The following VPS13D variants were observed in gnomAD, a reference collection of about 807,000 sequenced individuals.
VPS13D encodes the protein intermembrane lipid transfer protein VPS13D.
VPS13D carries 187 observed loss-of-function variants against 461.9 expected under a neutral mutation model. That is an observed-to-expected ratio of 0.40 (90% CI 0.36 to 0.46). The LOEUF is 0.46. Among genes scored for constraint, VPS13D ranks in the 20% least tolerant of loss-of-function variants. The pLI is 0.60. For synonymous variants in VPS13D, 1,951 were observed against 1,986.3 expected, an observed-to-expected ratio of 0.98 and a Z score of 0.47; for missense variants, 4,711 against 5,364.9, an observed-to-expected ratio of 0.88 and a Z score of 3.81.
intron 21 of VPS13D, among the ~76,000 whole-genome samples, chr1:12,285,149 T>G (rs1214359075): frequency 6.6e-6 from 1 of 152,174 alleles, no homozygotes; most frequent in East Asian, 1.9e-4. Flanking sequence ...ATTTTTATTG[T>G]GAAAAAATTC....
chr1:12,279,477 C>T lies in VPS13D; in HGVS notation c.4451-22C>T, dbSNP rs752445760. 2 of 1,576,844 alleles carry T rather than the reference C, an allele frequency of 1.3e-6. No individual in the cohort carries two copies. Among genetic ancestry groups the T allele is most frequent in the South Asian group, 2.3e-5 (2 of 86,350 alleles). Reference sequence around the variant, plus strand: ...GTAAATATTAAGGTTTATGGTCTATCATTTCATCTCTTTTATGCCAGCTTT... The same window carrying T: ...GTAAATATTAAGGTTTATGGTCTATTATTTCATCTCTTTTATGCCAGCTTT... On this transcript the variant is annotated intron_variant, in intron 19 of 69. Transcript: ENST00000620676. This position sits in a 1 kb window ranked among gnomAD's most constrained non-coding sequence, Gnocchi z 4.3.
intron 25 of VPS13D, 51 bp from the exon 26 acceptor site, chr1:12,304,455 G>A (rs1642506195): frequency 6.6e-7 from 1 of 1,523,134 alleles, no homozygotes; most frequent in East Asian, 2.4e-5. Context: ...CACCACCAGT[G>A]CTGCCCCCTT....
intron 67 of VPS13D, among the ~76,000 whole-genome samples, chr1:12,491,696 T>C (rs546617319): frequency 6.6e-6 from 1 of 152,354 alleles, no homozygotes; most frequent in East Asian, 1.9e-4. Flanking sequence ...TATCAGCCAC[T>C]GTATCCACAG....
In VPS13D at chr1:12,398,674, T is replaced by C. The variant is rs1039119762; in HGVS notation, c.11635-1507T>C. Among the ~76,000 whole-genome samples the C allele has an allele frequency of 3.3e-5, 5 of 152,318 alleles. 1 individual carries two copies. Among genetic ancestry groups the C allele is most frequent in the Admixed American group, 3.3e-4 (5 of 15,300 alleles). ...TGAGTGTGGCAAGTGTCCTCTGTGA[T>C]GGCACTGATACTGATCAGGGCTGTG... On this transcript the variant is annotated intron_variant, in intron 60 of 69. Transcript: ENST00000620676.
At chr1:12,280,827 G>A (rs1641755302) in intron 20 of VPS13D, among the ~76,000 whole-genome samples, 1 of 151,888 alleles carries the variant, frequency 6.6e-6, no homozygotes, top group Non-Finnish European at 1.5e-5. Flanking sequence ...TGACTTAACT[G>A]TTGTTTTGAT....
At position 12,277,567 on chromosome 1, in the gene VPS13D, A is replaced by G. The variant is rs368722200; in HGVS notation, c.3979A>G (p.Thr1327Ala). 5.0e-6 allele frequency: 8 copies of G among 1,614,006 alleles called. No individual in the cohort carries two copies. The highest frequency in any genetic ancestry group is 5.9e-6 in the Non-Finnish European group (7 of 1,180,026). The change falls in exon 19 of 70, where the codon ACA (threonine) becomes GCA (alanine). Residue 1327 changes from threonine (T) to alanine (A), a missense_variant. This residue lies in a region of VPS13D where 4,411 missense variants were observed against 4,937.8 expected (regional missense o/e 0.89). Transcript: ENST00000620676. ...GAAAAGCGCAGCCACCAAAGTCACC[A>G]CAGTACTAGCTACCAAGACTGCCGA... ...MLKSAATKVT[T>A]VLATKTAEYS...
chr1:12,416,426 G>T (rs1395310077), intron 64 of VPS13D, among the ~76,000 whole-genome samples: 1 of 152,124 alleles, frequency 6.6e-6, no homozygotes, highest in Non-Finnish European at 1.5e-5. Flanking sequence ...CTTCTAACTG[G>T]CTTGGAAGAG....
intron 10 of VPS13D, among the ~76,000 whole-genome samples, chr1:12,258,628 C>T (rs1022868370): frequency 2.6e-5 from 4 of 152,206 alleles, no homozygotes; most frequent in African/African-American, 9.7e-5. Flanking sequence ...GGAGCCCTGG[C>T]ATGGGACCCC....
chr1:12,457,585 A>G lies in VPS13D; in HGVS notation c.12466+1455A>G, dbSNP rs537497351. 1.4e-4 allele frequency among the ~76,000 whole-genome samples: 22 copies of G among 152,354 alleles called. No homozygotes were observed. In the East Asian group the frequency reaches 4.0e-3, roughly 28 times the overall value. ...GTACCAGATCCTTAGGAACCATCCAAAGCTATCAGAGTCATATCAAGACTG... is the reference window on the plus strand; with the variant it reads ...GTACCAGATCCTTAGGAACCATCCAGAGCTATCAGAGTCATATCAAGACTG... On this transcript the variant is annotated intron_variant, in intron 66 of 69. Transcript: ENST00000620676.
chr1:12,494,850 C>G (rs1345805490), intron 67 of VPS13D, among the ~76,000 whole-genome samples: 1 of 152,150 alleles, frequency 6.6e-6, no homozygotes, highest in Non-Finnish European at 1.5e-5. Flanking sequence ...GCTCAAAATC[C>G]TTAGTCTTCA....
At chr1:12,273,545 C>T (rs1319487249) in intron 18 of VPS13D, among the ~76,000 whole-genome samples, 3 of 152,204 alleles carry the variant, frequency 2.0e-5, no homozygotes, top group Non-Finnish European at 4.4e-5. Context: ...TGTGTGTACC[C>T]ATTAAACACC....
chr1:12,324,503 CA>C (rs202087191), intron 35 of VPS13D, among the ~76,000 whole-genome samples: 9 of 149,556 alleles, frequency 6.0e-5, no homozygotes, highest in Non-Finnish European at 1.2e-4. Flanking sequence ...GACTCTGTCT[CA>C]AAAAAAAAGG....
chr1:12,506,302 A>G (rs940290072), intron 68 of VPS13D, among the ~76,000 whole-genome samples: 3 of 152,260 alleles, frequency 2.0e-5, no homozygotes, highest in East Asian at 1.9e-4. Context: ...CAAAAGGAAG[A>G]TGACAGTTTT....
intron 67 of VPS13D, 107 bp from the exon 68 acceptor site, chr1:12,497,393 T>C (rs1291960828): frequency 7.4e-7 from 1 of 1,358,230 alleles, no homozygotes; most frequent in Non-Finnish European, 1.0e-6. Flanking sequence ...GTTCACTAAA[T>C]GTAAAGTATG....
At chr1:12,328,176 C>T (rs867520519) in intron 36 of VPS13D, among the ~76,000 whole-genome samples, 1 of 152,056 alleles carries the variant, frequency 6.6e-6, no homozygotes, top group Non-Finnish European at 1.5e-5. Context: ...TACTGCTAGG[C>T]ATTTAACAGA....
At chr1:12,419,765 A>G (rs773578973) in intron 65 of VPS13D, among the ~76,000 whole-genome samples, 2 of 152,198 alleles carry the variant, frequency 1.3e-5, no homozygotes, top group African/African-American at 2.4e-5. Flanking sequence ...TTTGAGGGAC[A>G]AACACCATAC....
At chr1:12,506,814 C>T (rs754895391) in intron 68 of VPS13D, 39 bp from the exon 69 acceptor site, 6 of 1,601,384 alleles carry the variant, frequency 3.7e-6, no homozygotes, top group Admixed American at 1.7e-5. Context: ...CTGGGCGAAG[C>T]CCCAGGTGTC....
At chr1:12,272,449 AATTAGT>A (rs145848033) in intron 17 of VPS13D, among the ~76,000 whole-genome samples, 6,899 of 150,942 alleles carry the variant, frequency 0.046, 227 homozygotes, top group South Asian at 0.094. Context: ...AAAGTATGAC[AATTAGT>A]ATTCTTGTAA....
At chr1:12,335,604 T>C in intron 38 of VPS13D, 101 bp from the exon 39 acceptor site, 1 of 1,443,328 alleles carries the variant, frequency 6.9e-7, no homozygotes, top group African/African-American at 1.4e-5. Context: ...AGGCATGTAA[T>C]GAGACACTCA....
Sources: gnomAD v4.1 joint callset for allele counts (sites outside exome capture counted in the v4.1 genomes callset) on GRCh38, gnomAD v4.1.1 for gene constraint, gnomAD v4.1.1 regional missense constraint, Gnocchi (gnomAD v3.1) non-coding constraint, MANE v1.5 for transcripts, NCBI Gene and HGNC (gene_info 2026-07-23, HGNC 2026-07-21) for gene names.